MLYCD: variants seen among roughly 807,000 people sequenced by gnomAD.
The protein encoded by MLYCD is malonyl-CoA decarboxylase, mitochondrial.
Under a neutral mutation model 35.8 loss-of-function variants are expected in MLYCD, and 27 were observed. The ratio of observed to expected loss-of-function variants is 0.75; its 90% CI spans 0.56 to 1.04. The LOEUF (loss-of-function observed/expected upper bound fraction) is 1.04, where lower values mean the gene tolerates loss of function less well. Among genes scored for constraint, MLYCD ranks in the 50% least tolerant of loss-of-function variants. MLYCD has a pLI of 0.00. For missense variants in MLYCD, 917 were observed against 665.1 expected (o/e 1.38, Z -4.17); for synonymous variants, 403 against 302.4 (o/e 1.33, Z -3.45).
In MLYCD at chr16:83,920,314, G is replaced by T; in HGVS notation, c.*4825G>T. On this transcript the variant is annotated 3_prime_UTR_variant, in exon 5 of 5. Coordinates refer to ENST00000262430, the MANE Select transcript of MLYCD (RefSeq NM_012213.3). ...GGCACGGGTTCCTCAAAACCTTTTT[G>T]GGCAGCTAGCAGCTTTGACTAGCAG... 1 of 152,264 alleles carries T rather than the reference G, an allele frequency of 6.6e-6. No homozygotes were observed. The allele number at this position is 152,264 out of a possible 1,614,324, so 9.4% of individuals were successfully genotyped here.
intron 3 of MLYCD, among the ~76,000 whole-genome samples, chr16:83,909,620 GTTTTT>G (rs1281867257): frequency 7.6e-6 from 1 of 130,814 alleles, no homozygotes; most frequent in Admixed American, 7.7e-5. Flanking sequence ...GTGGTGTTGT[GTTTTT>G]TTTTTTTTTT....
chr16:83,916,119 T>C lies in MLYCD; in HGVS notation c.*630T>C, dbSNP rs1012811525. 9.1e-6 allele frequency: 9 copies of C among 993,282 alleles called. No homozygotes were observed. The highest frequency in any genetic ancestry group is 4.5e-5 in the South Asian group (1 of 22,004). The allele number at this position is 993,282 out of a possible 1,614,324, so 61.5% of individuals were successfully genotyped here. On this transcript the variant is annotated 3_prime_UTR_variant, in exon 5 of 5. Coordinates refer to ENST00000262430, the MANE Select transcript of MLYCD (RefSeq NM_012213.3). ...AAGTTGGATAATAGGCTTTAAATGA[T>C]CAGGGATTCAGGTTCATAATGAACT...
In MLYCD at chr16:83,922,106, C is replaced by G. The variant is rs903461876; in HGVS notation, c.*6617C>G. 15 of 152,374 alleles carry G rather than the reference C, an allele frequency of 9.8e-5. No homozygotes were observed. In the East Asian group the frequency reaches 2.9e-3, roughly 29 times the overall value. The allele number at this position is 152,374 out of a possible 1,614,324, so 9.4% of individuals were successfully genotyped here. ...GCTGCACAATAAATTGTCATGAGTGCTTTCCACTGTGTCCCAGGTTCAAGG... is the reference window on the plus strand; with the variant it reads ...GCTGCACAATAAATTGTCATGAGTGGTTTCCACTGTGTCCCAGGTTCAAGG... On this transcript the variant is annotated 3_prime_UTR_variant, in exon 5 of 5. Coordinates refer to ENST00000262430, the MANE Select transcript of MLYCD (RefSeq NM_012213.3).
chr16:83,907,546 G>C (rs896750308), intron 2 of MLYCD, among the ~76,000 whole-genome samples: 2 of 152,160 alleles, frequency 1.3e-5, no homozygotes, highest in African/African-American at 4.8e-5. Flanking sequence ...TCCAGGACCC[G>C]TATGACACAG....
rs1907506778 is a variant in MLYCD, at chr16:83,918,386, A to T, written c.*2897A>T. The T allele has an allele frequency of 6.8e-6, 1 of 145,996 alleles. No homozygotes were observed. Among genetic ancestry groups the T allele is most frequent in the South Asian group, 2.2e-4 (1 of 4,488 alleles). 9.0% of individuals were successfully genotyped at this position (145,996 alleles called of 1,614,324 possible). On this transcript the variant is annotated 3_prime_UTR_variant, in exon 5 of 5. Coordinates refer to ENST00000262430, the MANE Select transcript of MLYCD (RefSeq NM_012213.3). ...ACACGCACACATGTTGCACAGGAGA[A>T]TTCACACACAGTGCACAGGAGAACA...
Position 83,912,206 on chromosome 16 carries a change from G to A in MLYCD, c.799-12G>A, listed in dbSNP as rs1907204073. 1.9e-6 allele frequency: 3 copies of A among 1,613,994 alleles called. No homozygotes were observed. Among genetic ancestry groups the A allele is most frequent in the Non-Finnish European group, 2.5e-6 (3 of 1,180,016 alleles). ...CCAGGCCACCCTTAGAACCATCGTT[G>A]GTGTTTTCCAGGCAATCGTGAAGGA... On this transcript the variant is annotated splice_polypyrimidine_tract_variant and intron_variant, in intron 3 of 4. Transcript: ENST00000262430.
rs868184908 is a variant in MLYCD at position 83,916,041 on chromosome 16, G to A, written c.*552G>A. ...GAGAAGGTTTGTGATTTTGCACAAG[G>A]TGTGTGTAGTAAGTTAAATTGTTGA... On this transcript the variant is annotated 3_prime_UTR_variant, in exon 5 of 5. Coordinates refer to ENST00000262430, the MANE Select transcript of MLYCD (RefSeq NM_012213.3). The A allele has an allele frequency of 1.5e-5, 15 of 1,003,946 alleles. No individual in the cohort carries two copies. In the African/African-American group the frequency reaches 2.1e-4, roughly 14 times the overall value. 62.2% of individuals were successfully genotyped at this position (1,003,946 alleles called of 1,614,324 possible). A position where few individuals can be genotyped will look rare whatever the true frequency, so the allele number is the denominator to read the frequency against.
rs1907356000 is a variant in MLYCD, at chr16:83,915,616, G to T, written c.*127G>T. The T allele has an allele frequency of 6.5e-7, 1 of 1,530,698 alleles. No individual in the cohort carries two copies. The highest frequency in any genetic ancestry group is 2.0e-5 in the Admixed American group (1 of 50,960). 94.8% of individuals were successfully genotyped at this position (1,530,698 alleles called of 1,614,324 possible). A position where few individuals can be genotyped will look rare whatever the true frequency, so the allele number is the denominator to read the frequency against. ...AAGTTGACTGTGTTCTTGTCCCGCAGCCGGTCCACACTGTGAGGCCAGGCC... is the reference window on the plus strand; with the variant it reads ...AAGTTGACTGTGTTCTTGTCCCGCATCCGGTCCACACTGTGAGGCCAGGCC... On this transcript the variant is annotated 3_prime_UTR_variant, in exon 5 of 5. Coordinates refer to ENST00000262430, the MANE Select transcript of MLYCD (RefSeq NM_012213.3).
Position 83,916,984 on chromosome 16 carries a change from C to T in MLYCD, c.*1495C>T, listed in dbSNP as rs1451560481. The T allele has an allele frequency of 1.7e-5, 2 of 120,962 alleles. No homozygotes were observed. Among genetic ancestry groups the T allele is most frequent in the Non-Finnish European group, 3.3e-5 (2 of 59,774 alleles). The allele number at this position is 120,962 out of a possible 1,614,324, so 7.5% of individuals were successfully genotyped here. On this transcript the variant is annotated 3_prime_UTR_variant, in exon 5 of 5. Coordinates refer to ENST00000262430, the MANE Select transcript of MLYCD (RefSeq NM_012213.3). ...GCGTTCTATGTGGATCAGTGCACGC[C>T]TGTGTGCGTGTGCACGAGCGTCTCT...
In MLYCD at chr16:83,920,125, CCGCAGTGCACA is replaced by C. The variant is rs996904331; in HGVS notation, c.*4637_*4647del. 30 of 149,566 alleles carry C rather than the reference CCGCAGTGCACA, an allele frequency of 2.0e-4. No individual in the cohort carries two copies. Among genetic ancestry groups the C allele is most frequent in the African/African-American group, 7.2e-4 (29 of 40,530 alleles). 9.3% of individuals were successfully genotyped at this position (149,566 alleles called of 1,614,324 possible). ...CAGCACACGGTACACAGCAGAACAC[CCGCAGTGCACA>C]GGAGAACCTAGTGCACAGAACACAC... On this transcript the variant is annotated 3_prime_UTR_variant, in exon 5 of 5. Coordinates refer to ENST00000262430, the MANE Select transcript of MLYCD (RefSeq NM_012213.3).
intron 1 of MLYCD, among the ~76,000 whole-genome samples, chr16:83,900,873 C>T (rs1906761459): frequency 6.6e-6 from 1 of 152,168 alleles, no homozygotes; most frequent in South Asian, 2.1e-4. Flanking sequence ...GGTTGTGTTA[C>T]TTGTCCTGAA....
At chr16:83,908,374 CCTT>C (rs1907057084) in intron 3 of MLYCD, 92 bp downstream of exon 3, 2 of 1,406,986 alleles carry the variant, frequency 1.4e-6, no homozygotes, top group Non-Finnish European at 1.9e-6. Context: ...ATTTTATCCT[CCTT>C]TTTTTTTTTT....
At chr16:83,911,810 G>T (rs376683955) in intron 3 of MLYCD, 58 of 249,028 alleles carry the variant, frequency 2.3e-4, no homozygotes, top group African/African-American at 1.3e-3. Flanking sequence ...GGTGGGAAAC[G>T]TCAGTCCTTT....
rs1907476376 is a variant in MLYCD at position 83,917,830 on chromosome 16, T to G, written c.*2341T>G. Reference sequence around the variant, plus strand: ...AGTGCCATGGACAGATCACCCATTCTCGATCACTCCGGCAGCCTTTCGGAT... The same window carrying G: ...AGTGCCATGGACAGATCACCCATTCGCGATCACTCCGGCAGCCTTTCGGAT... On this transcript the variant is annotated 3_prime_UTR_variant, in exon 5 of 5. Transcript: ENST00000262430. The G allele has an allele frequency of 6.6e-6, 1 of 152,290 alleles. No individual in the cohort carries two copies. Among genetic ancestry groups the G allele is most frequent in the South Asian group, 2.1e-4 (1 of 4,834 alleles). 9.4% of individuals were successfully genotyped at this position (152,290 alleles called of 1,614,324 possible). A position where few individuals can be genotyped will look rare whatever the true frequency, so the allele number is the denominator to read the frequency against.
rs138675420 is a variant in MLYCD at position 83,915,051 on chromosome 16, G to A, written c.1044G>A (p.Glu348=). ...LLGLLNSQTK[E]HGRNELFTDS... Reference sequence around the variant, plus strand: ...GGCTTCTGAACTCGCAAACGAAGGAGCATGGGAGGAATGAACTCTTTACAG... The same window carrying A: ...GGCTTCTGAACTCGCAAACGAAGGAACATGGGAGGAATGAACTCTTTACAG... The change falls in exon 5 of 5, where the codon GAG becomes GAA. Residue 348 remains glutamate, a synonymous_variant. Transcript: ENST00000262430. The A allele has an allele frequency of 1.2e-6, 2 of 1,614,250 alleles. No homozygotes were observed. Among genetic ancestry groups the A allele is most frequent in the South Asian group, 2.2e-5 (2 of 91,088 alleles).
At chr16:83,899,797 G>A (rs1056986063) in intron 1 of MLYCD, 125 bp downstream of exon 1, 88 of 1,201,750 alleles carry the variant, frequency 7.3e-5, no homozygotes, top group Non-Finnish European at 9.2e-5. Flanking sequence ...CACTTCGCCC[G>A]CAGTTACCGC....
chr16:83,915,430 A>G lies in MLYCD; in HGVS notation c.1423A>G (p.Lys475Glu), dbSNP rs1907346780. 5 of 1,613,590 alleles carry G rather than the reference A, an allele frequency of 3.1e-6. 1 individual carries two copies. The South Asian group carries it at 4.4e-5, about 14-fold the overall frequency. Residue 475 changes from lysine (K) to glutamate (E), a missense_variant, in exon 5 of 5, where the codon AAA (lysine) becomes GAA (glutamate). Transcript: ENST00000262430. ...STSYLGSKII[K>E]ASEQVLSLVA... ...CTCCTACCTCGGCTCCAAGATCATC[A>G]AAGCCTCTGAGCAGGTCCTCAGCCT...
At chr16:83,902,943 G>A (rs1407560422) in intron 1 of MLYCD, among the ~76,000 whole-genome samples, 1 of 152,162 alleles carries the variant, frequency 6.6e-6, no homozygotes, top group South Asian at 2.1e-4. Context: ...GTAGGTGTGG[G>A]TATGAGGATG....
At position 83,915,179 on chromosome 16, in the gene MLYCD, T is replaced by C. The variant is rs1597295406; in HGVS notation, c.1172T>C (p.Val391Ala). 3 of 1,614,112 alleles carry C rather than the reference T, an allele frequency of 1.9e-6. No individual in the cohort carries two copies. Among genetic ancestry groups the C allele is most frequent in the Non-Finnish European group, 2.5e-6 (3 of 1,179,930 alleles). The change falls in exon 5 of 5, where the codon GTG becomes GCG. Residue 391 changes from valine to alanine, a missense_variant. Transcript: ENST00000262430. ...SSEWVQSEKL[V>A]RALQTPLMRL... is the part of the protein sequence containing the mutation. ...GAGTGGGTGCAGTCGGAGAAGCTGG[T>C]GCGGGCGCTGCAGACTCCGCTGATG...
Sources: gnomAD v4.1 joint callset for allele counts (sites outside exome capture counted in the v4.1 genomes callset) on GRCh38, gnomAD v4.1.1 for gene constraint, MANE v1.5 for transcripts, NCBI Gene and HGNC (gene_info 2026-07-23, HGNC 2026-07-21) for gene names.